Variants in CDV3 observed in about 807,000 individuals in gnomAD.
CDV3 encodes protein CDV3 homolog.
A neutral mutation model predicts 24.5 loss-of-function variants in CDV3; 14 were observed. That is an observed-to-expected ratio of 0.57 (90% CI 0.38 to 0.89). The LOEUF is 0.89. Among genes scored for constraint, CDV3 ranks in the 40% least tolerant of loss-of-function variants. The probability of loss-of-function intolerance (pLI) is 0.00; values close to 1 mark genes in which losing one functional copy is unlikely to be tolerated. For synonymous variants in CDV3, 114 were observed against 114.1 expected (o/e 1.00, Z 0.00); for missense variants, 304 against 310.2 (o/e 0.98, Z 0.15).
At position 133,588,053 on chromosome 3, in the gene CDV3, G is replaced by C. The variant is rs778635947; in HGVS notation, c.*7G>C. 5.0e-6 allele frequency: 8 copies of C among 1,611,068 alleles called. No homozygotes were observed. Among genetic ancestry groups the C allele is most frequent in the Non-Finnish European group, 6.8e-6 (8 of 1,179,084 alleles). On this transcript the variant is annotated 3_prime_UTR_variant, in exon 5 of 5. Coordinates refer to ENST00000264993, the MANE Select transcript of CDV3 (RefSeq NM_017548.5). Reference sequence around the variant, plus strand: ...CCACTCACAATACAATTAAGGAATGGGCTTTGCTAACCCTTCTGAGGTAAC... The same window carrying C: ...CCACTCACAATACAATTAAGGAATGCGCTTTGCTAACCCTTCTGAGGTAAC...
At chr3:133,575,174 T>A (rs757709437) in intron 2 of CDV3, 59 bp downstream of exon 2, 68 of 937,466 alleles carry the variant, frequency 7.3e-5, no homozygotes, top group Non-Finnish European at 1.2e-4. Flanking sequence ...GGATACAAGT[T>A]AGGTTTTCCT....
chr3:133,587,273 A>ATG (rs1157355573), intron 4 of CDV3: 1 of 1,280,524 alleles, frequency 7.8e-7, no homozygotes, highest in Non-Finnish European at 1.0e-6. Flanking sequence ...AATGTAAATG[A>ATG]CATCAGATGG....
At chr3:133,575,913 A>C (rs147734009) in intron 2 of CDV3, among the ~76,000 whole-genome samples, 2 of 152,220 alleles carry the variant, frequency 1.3e-5, no homozygotes, top group African/African-American at 2.4e-5. Flanking sequence ...CTGCTGTAAG[A>C]TGAAAAAATC....
chr3:133,583,933 A>G lies in CDV3; in HGVS notation c.318-69A>G, dbSNP rs554799281. On this transcript the variant is annotated intron_variant, in intron 2 of 4. Coordinates refer to ENST00000264993, the MANE Select transcript of CDV3 (RefSeq NM_017548.5). Reference sequence around the variant, plus strand: ...CAGGGTCGTACAGATAATCATGGATAAAACTAACGATTTGGACTGAAAATT... The same window carrying G: ...CAGGGTCGTACAGATAATCATGGATGAAACTAACGATTTGGACTGAAAATT... 1.7e-4 allele frequency: 192 copies of G among 1,141,794 alleles called. No individual in the cohort carries two copies. In the Middle Eastern group the frequency reaches 1.8e-3, roughly 11 times the overall value. The allele number at this position is 1,141,794 out of a possible 1,614,324, so 70.7% of individuals were successfully genotyped here. A position where few individuals can be genotyped will look rare whatever the true frequency, so the allele number is the denominator to read the frequency against.
chr3:133,575,161 A>G, intron 2 of CDV3, 46 bp downstream of exon 2: 1 of 1,023,704 alleles, frequency 9.8e-7, no homozygotes, highest in Non-Finnish European at 1.5e-6. Flanking sequence ...TGGGATAGAT[A>G]TTGGATACAA....
At position 133,574,021 on chromosome 3, in the gene CDV3, A is replaced by T; in HGVS notation, c.-24A>T. On this transcript the variant is annotated 5_prime_UTR_variant, in exon 1 of 5. Transcript: ENST00000264993. ...GCCGCGCCCGCCGCCGGCCCCACCC[A>T]TCCGGGTCGAGGAGGCCGAGGCCAT... The T allele has an allele frequency of 2.0e-5, 22 of 1,093,126 alleles. No individual in the cohort carries two copies. The highest frequency in any genetic ancestry group is 2.4e-5 in the Non-Finnish European group (21 of 887,106). 67.7% of individuals were successfully genotyped at this position (1,093,126 alleles called of 1,614,324 possible).
In CDV3 at chr3:133,584,064, G is replaced by T. The variant is rs748463641; in HGVS notation, c.380G>T (p.Gly127Val). 6.2e-7 allele frequency: 1 copy of T among 1,610,420 alleles called. No homozygotes were observed. Among genetic ancestry groups the T allele is most frequent in the Non-Finnish European group, 8.5e-7 (1 of 1,176,820 alleles). ...RQDPGDNWEEGGGGGGGMEKS... is the reference protein window; with the variant it reads ...RQDPGDNWEEVGGGGGGMEKS... ...GATCCAGGTGATAACTGGGAAGAAG[G>T]TGGAGGTGGTGGTGGAGGTATGGAA... The change falls in exon 3 of 5, where the codon GGT (glycine) becomes GTT (valine). Residue 127 changes from glycine to valine, a missense_variant. Physicochemically the swap from Gly to Val is moderately radical, Grantham distance 109. This residue lies in a region of CDV3 where 219 missense variants were observed against 203.6 expected (regional missense o/e 1.08). Coordinates refer to ENST00000264993, the MANE Select transcript of CDV3 (RefSeq NM_017548.5).
chr3:133,580,375 G>A (rs751527911), intron 2 of CDV3, among the ~76,000 whole-genome samples: 2 of 152,104 alleles, frequency 1.3e-5, no homozygotes, highest in African/African-American at 4.8e-5. Context: ...TATTATTAAT[G>A]TACATTTGGA....
chr3:133,574,696 C>G (rs1295477633), intron 1 of CDV3: 7 of 1,063,662 alleles, frequency 6.6e-6, no homozygotes, highest in Non-Finnish European at 8.0e-6. Flanking sequence ...TTTGTGATGA[C>G]TTAGTCTCTA....
chr3:133,588,775 A>G lies in CDV3; in HGVS notation c.*729A>G. The stretch of plus-strand genomic sequence containing the variant: ...GGGGTCCACCAAGTGGGGGAAGGGG[A>G]AGGGAGAGAATAATCTTGGGGGTTT... On this transcript the variant is annotated 3_prime_UTR_variant, in exon 5 of 5. Transcript: ENST00000264993. 5.6e-6 allele frequency: 1 copy of G among 177,098 alleles called. No homozygotes were observed. Among genetic ancestry groups the G allele is most frequent in the South Asian group, 2.1e-4 (1 of 4,736 alleles). The allele number at this position is 177,098 out of a possible 1,614,324, so 11.0% of individuals were successfully genotyped here.
rs180810790 is a variant in CDV3 at position 133,587,116 on chromosome 3, T to C, written c.626+394T>C. 6.9e-4 allele frequency: 693 copies of C among 1,003,828 alleles called. 2 individuals are homozygous for C. Among genetic ancestry groups the C allele is most frequent in the Non-Finnish European group, 7.8e-4 (558 of 716,398 alleles). The allele number at this position is 1,003,828 out of a possible 1,614,324, so 62.2% of individuals were successfully genotyped here. A position where few individuals can be genotyped will look rare whatever the true frequency, so the allele number is the denominator to read the frequency against. On this transcript the variant is annotated intron_variant, in intron 4 of 4. Transcript: ENST00000264993. ...AGTTAATGTGACTATAGACAGAAGA[T>C]GTTGGCATTTATAAATCTAATATTA...
chr3:133,586,545 A>C lies in CDV3; in HGVS notation c.467-18A>C. 1 of 1,387,710 alleles carries C rather than the reference A, an allele frequency of 7.2e-7. No individual in the cohort carries two copies. The highest frequency in any genetic ancestry group is 1.0e-6 in the Non-Finnish European group (1 of 990,982). 86.0% of individuals were successfully genotyped at this position (1,387,710 alleles called of 1,614,324 possible). On this transcript the variant is annotated intron_variant, in intron 3 of 4. Transcript: ENST00000264993. Reference sequence around the variant, plus strand: ...GAGCATTTAAATAGTTTATCTAAAAATTGTTATAAAATATTAGTTACAGAA... The same window carrying C: ...GAGCATTTAAATAGTTTATCTAAAACTTGTTATAAAATATTAGTTACAGAA...
intron 4 of CDV3, 149 bp downstream of exon 4, chr3:133,586,871 G>C: frequency 1.6e-6 from 1 of 618,582 alleles, no homozygotes; most frequent in Admixed American, 3.0e-5. Flanking sequence ...GTGAGAATCA[G>C]GGTGGGACTT....
intron 2 of CDV3, among the ~76,000 whole-genome samples, chr3:133,583,768 C>T (rs1174719114): frequency 6.6e-6 from 1 of 152,034 alleles, no homozygotes; most frequent in Non-Finnish European, 1.5e-5. Context: ...CGCCATGTTG[C>T]CCAGCCTGGT....
intron 2 of CDV3, among the ~76,000 whole-genome samples, chr3:133,576,921 C>G (rs1055154040): frequency 2.3e-5 from 3 of 132,000 alleles, no homozygotes; most frequent in African/African-American, 8.6e-5. Context: ...AATCTCGGCT[C>G]ACTGCAACCT....
chr3:133,585,630 G>T (rs1933519703), intron 3 of CDV3, among the ~76,000 whole-genome samples: 1 of 152,008 alleles, frequency 6.6e-6, no homozygotes, highest in African/African-American at 2.4e-5. Flanking sequence ...AAGTAGCTGG[G>T]ATTACAGGCG....
chr3:133,574,057 G>T lies in CDV3; in HGVS notation c.13G>T (p.Glu5Ter). Residue 5 changes from glutamate (E) to a stop codon, truncating the protein, a stop_gained, in exon 1 of 5, where the codon GAG becomes TAG. Coordinates refer to ENST00000264993, the MANE Select transcript of CDV3 (RefSeq NM_017548.5). LOFTEE classifies it high-confidence loss of function. Reference sequence around the variant, plus strand: ...GGAGGCCGAGGCCATGGCTGAGACGGAGGAGCGGAGCCTGGACAACTTCTT... The same window carrying T: ...GGAGGCCGAGGCCATGGCTGAGACGTAGGAGCGGAGCCTGGACAACTTCTT... The part of the protein sequence containing the change: MAET[E>*]ERSLDNFFAK... The T allele has an allele frequency of 8.2e-7, 1 of 1,217,394 alleles. No individual in the cohort carries two copies. Among genetic ancestry groups the T allele is most frequent in the South Asian group, 1.6e-5 (1 of 61,748 alleles). The allele number at this position is 1,217,394 out of a possible 1,614,324, so 75.4% of individuals were successfully genotyped here.
In CDV3 at chr3:133,573,955, A is replaced by G. The variant is rs2074701444; in HGVS notation, c.-90A>G. On this transcript the variant is annotated 5_prime_UTR_variant, in exon 1 of 5. Transcript: ENST00000264993. ...AGGCGTCGCCGCGCCCGGCAGCGTG[A>G]GCGCAGAGCCGGCCTCGACCCCGAG... The G allele has an allele frequency of 1.0e-6, 1 of 976,618 alleles. No homozygotes were observed. The highest frequency in any genetic ancestry group is 1.2e-6 in the Non-Finnish European group (1 of 820,274). 60.5% of individuals were successfully genotyped at this position (976,618 alleles called of 1,614,324 possible). A position where few individuals can be genotyped will look rare whatever the true frequency, so the allele number is the denominator to read the frequency against.
intron 2 of CDV3, among the ~76,000 whole-genome samples, chr3:133,581,357 C>G (rs1035139413): frequency 6.6e-6 from 1 of 151,768 alleles, no homozygotes; most frequent in East Asian, 1.9e-4. Flanking sequence ...GTACTCCAGC[C>G]TGGGTGACAG....
Sources: gnomAD v4.1 joint callset for allele counts (sites outside exome capture counted in the v4.1 genomes callset) on GRCh38, gnomAD v4.1.1 for gene constraint, gnomAD v4.1.1 regional missense constraint, MANE v1.5 for transcripts, NCBI Gene and HGNC (gene_info 2026-07-23, HGNC 2026-07-21) for gene names.